GPC6: variants seen among roughly 807,000 people sequenced by gnomAD.
GPC6 encodes glypican 6.
A neutral mutation model predicts 55.2 loss-of-function variants in GPC6; 14 were observed. That is an observed-to-expected ratio of 0.25 (90% CI 0.17 to 0.40). The LOEUF is 0.40. GPC6 is among the 10% of genes least tolerant of loss of function. The pLI is 1.00. For synonymous variants in GPC6, 278 were observed against 259.6 expected (o/e 1.07, Z -0.68); for missense variants, 641 against 708.5 (o/e 0.90, Z 1.08).
chr13:93,592,942 G>T (rs1033218366), intron 2 of GPC6, among the ~76,000 whole-genome samples: 6 of 151,792 alleles, frequency 4.0e-5, no homozygotes, highest in Admixed American at 6.6e-5. Context: ...TTGATTTGAA[G>T]ATAATTCAGA....
chr13:94,307,605 G>A (rs1036597368), intron 6 of GPC6, among the ~76,000 whole-genome samples: 8 of 152,174 alleles, frequency 5.3e-5, no homozygotes, highest in African/African-American at 1.4e-4. Context: ...GAGCCAACGT[G>A]CTCAGCGGCT....
At chr13:93,317,339 T>C (rs1879279894) in intron 1 of GPC6, among the ~76,000 whole-genome samples, 1 of 152,108 alleles carries the variant, frequency 6.6e-6, no homozygotes, top group Admixed American at 6.6e-5. Context: ...AAAAGTGACT[T>C]AATATTAATC....
intron 2 of GPC6, among the ~76,000 whole-genome samples, chr13:93,751,376 T>A (rs376149856): frequency 3.6e-4 from 55 of 152,108 alleles, no homozygotes; most frequent in African/African-American, 1.3e-3. Flanking sequence ...TTGTTGAGTT[T>A]CAGTTTCTCT....
At chr13:93,359,820 C>T (rs969185212) in intron 1 of GPC6, among the ~76,000 whole-genome samples, 1 of 152,124 alleles carries the variant, frequency 6.6e-6, no homozygotes, top group Admixed American at 6.6e-5. Flanking sequence ...CTATGTCATT[C>T]TGTTCATATA....
chr13:93,327,680 A>T (rs935601776), intron 1 of GPC6, among the ~76,000 whole-genome samples: 1 of 152,132 alleles, frequency 6.6e-6, no homozygotes, highest in Non-Finnish European at 1.5e-5. Context: ...CATTTATGAT[A>T]CAGTAATAAG....
At chr13:94,248,969 C>T (rs1246219518) in intron 4 of GPC6, among the ~76,000 whole-genome samples, 1 of 152,040 alleles carries the variant, frequency 6.6e-6, no homozygotes, top group African/African-American at 2.4e-5. Context: ...GGAAAATTAA[C>T]CGCTGCATAT....
intron 4 of GPC6, among the ~76,000 whole-genome samples, chr13:94,225,449 T>C (rs1234077953): frequency 3.9e-5 from 6 of 152,108 alleles, no homozygotes; most frequent in African/African-American, 1.4e-4. Context: ...CAAACTGATG[T>C]CTTATCCTTC....
chr13:93,490,498 T>G (rs966756768), intron 1 of GPC6, among the ~76,000 whole-genome samples: 2 of 128,982 alleles, frequency 1.6e-5, no homozygotes, highest in Non-Finnish European at 3.3e-5. Context: ...GATTTTTTTT[T>G]CTTTTTTTTT....
At chr13:94,030,062 G>T (rs554164207) in intron 4 of GPC6, among the ~76,000 whole-genome samples, 1 of 151,320 alleles carries the variant, frequency 6.6e-6, no homozygotes, top group African/African-American at 2.4e-5. Context: ...GAGTGCGATG[G>T]CACGATCTCG....
intron 4 of GPC6, among the ~76,000 whole-genome samples, chr13:94,250,343 A>G (rs986180650): frequency 6.6e-6 from 1 of 152,166 alleles, no homozygotes; most frequent in African/African-American, 2.4e-5. Flanking sequence ...AGGCCTTAAT[A>G]GAAGGTCTGT....
chr13:94,132,237 C>T lies in GPC6; in HGVS notation c.877+104343C>T, dbSNP rs751013805. 1.8e-4 allele frequency among the ~76,000 whole-genome samples: 28 copies of T among 152,236 alleles called. No individual in the cohort carries two copies. In the Middle Eastern group the frequency reaches 0.01, roughly 55 times the overall value. ...TGAGGGTGATTCTAGCTGAGTGTTT[C>T]CTGCTTGTTTCTTATAAATGTATTT... is the stretch of plus-strand genomic sequence containing the variant. On this transcript the variant is annotated intron_variant, in intron 4 of 8. Coordinates refer to ENST00000377047, the MANE Select transcript of GPC6 (RefSeq NM_005708.5).
chr13:93,499,492 G>A (rs905752308), intron 1 of GPC6, among the ~76,000 whole-genome samples: 8 of 152,132 alleles, frequency 5.3e-5, no homozygotes, highest in African/African-American at 1.4e-4. Flanking sequence ...ATCTCTAAGC[G>A]TGTCCTGGAA....
intron 6 of GPC6, among the ~76,000 whole-genome samples, chr13:94,350,258 A>G (rs1037820845): frequency 1.3e-5 from 2 of 152,072 alleles, no homozygotes; most frequent in African/African-American, 4.8e-5. Flanking sequence ...TTGGTCACAT[A>G]TTAGAATCAC....
chr13:93,464,596 T>C (rs754189710), intron 1 of GPC6, among the ~76,000 whole-genome samples: 3 of 152,362 alleles, frequency 2.0e-5, no homozygotes, highest in Non-Finnish European at 4.4e-5. Context: ...TCTCCACTTC[T>C]ATTTCTAGTT....
chr13:94,164,752 C>T (rs1465760759), intron 4 of GPC6, among the ~76,000 whole-genome samples: 1 of 152,028 alleles, frequency 6.6e-6, no homozygotes, highest in African/African-American at 2.4e-5. Context: ...ACTCTGCTAC[C>T]TATGGACAGG....
intron 1 of GPC6, among the ~76,000 whole-genome samples, chr13:93,487,655 C>T (rs1487450494): frequency 6.6e-6 from 1 of 152,126 alleles, no homozygotes; most frequent in Non-Finnish European, 1.5e-5. Context: ...TACTTGACCA[C>T]ATCATTTGTA....
chr13:93,353,468 T>G (rs1273384606), intron 1 of GPC6, among the ~76,000 whole-genome samples: 1 of 152,212 alleles, frequency 6.6e-6, no homozygotes, highest in Non-Finnish European at 1.5e-5. Context: ...AAAGAACTCA[T>G]GAACTTCTCG....
chr13:94,236,596 A>C (rs1437824099), intron 4 of GPC6, among the ~76,000 whole-genome samples: 2 of 152,204 alleles, frequency 1.3e-5, no homozygotes, highest in Non-Finnish European at 2.9e-5. Context: ...GTAAGAATAT[A>C]AACCAAGGTG....
chr13:94,299,102 G>A (rs1286267627), intron 5 of GPC6, among the ~76,000 whole-genome samples: 2 of 151,960 alleles, frequency 1.3e-5, no homozygotes, highest in Non-Finnish European at 2.9e-5. Flanking sequence ...ACAGATACTG[G>A]GATACAGTAA....
Sources: allele counts gnomAD v4.1 joint callset (sites outside exome capture counted in the v4.1 genomes callset), GRCh38; gene constraint gnomAD v4.1.1; transcripts MANE v1.5; gene names NCBI Gene and HGNC (gene_info 2026-07-23, HGNC 2026-07-21).